Variants in WAPL observed in about 807,000 individuals in gnomAD.
The protein encoded by WAPL is wings apart-like protein homolog.
Under a neutral mutation model 121.0 loss-of-function variants are expected in WAPL, and 5 were observed. The observed-to-expected ratio is 0.04, with a 90% confidence interval of 0.02 to 0.09. The LOEUF (loss-of-function observed/expected upper bound fraction) is 0.09. Ranked by LOEUF, WAPL falls within the 10% of genes least tolerant of loss-of-function variation. The pLI, the probability that WAPL is intolerant of heterozygous loss-of-function variation, is 1.00. For synonymous variants in WAPL, 480 were observed against 481.5 expected (o/e 1.00, Z 0.04); for missense variants, 999 against 1,410.8 (o/e 0.71, Z 4.68).
intron 4 of WAPL, among the ~76,000 whole-genome samples, chr10:86,486,721 C>A (rs544191229): frequency 1.3e-5 from 2 of 152,076 alleles, no homozygotes; most frequent in South Asian, 4.1e-4. Flanking sequence ...TTTGGGAGGC[C>A]GAGACCGGCA....
Position 86,453,264 on chromosome 10 carries a change from G to T in WAPL, c.2905C>A (p.Pro969Thr). 1 of 1,614,060 alleles carries T rather than the reference G, an allele frequency of 6.2e-7. No individual in the cohort carries two copies. The highest frequency in any genetic ancestry group is 8.5e-7 in the Non-Finnish European group (1 of 1,180,026). Residue 969 changes from proline (P) to threonine (T), a missense_variant, in exon 14 of 19, where the codon CCA becomes ACA. Around this residue, in one of 7 missense-constraint regions of WAPL, gnomAD observed 85 missense variants for 133.5 expected, o/e 0.64. Transcript: ENST00000298767. ...GTALNCVLQV[P>T]KYLPQEQRFD... ...CTCTGCTCCTGAGGTAGGTACTTTG[G>T]AACCTGAAGCACACAGTTCAGCGCT...
chr10:86,501,813 T>C (rs1842252395), intron 2 of WAPL, among the ~76,000 whole-genome samples: 1 of 152,066 alleles, frequency 6.6e-6, no homozygotes, highest in Non-Finnish European at 1.5e-5. Context: ...TGAGCAGCAC[T>C]CCCAAACAGC....
At chr10:86,486,531 A>G (rs1841933325) in intron 4 of WAPL, among the ~76,000 whole-genome samples, 1 of 152,264 alleles carries the variant, frequency 6.6e-6, no homozygotes, top group African/African-American at 2.4e-5. Flanking sequence ...TTAATTGCCC[A>G]GAAGCCCCCT....
At chr10:86,460,048 G>A (rs1260996550) in intron 11 of WAPL, among the ~76,000 whole-genome samples, 2 of 152,196 alleles carry the variant, frequency 1.3e-5, no homozygotes, top group Non-Finnish European at 2.9e-5. Flanking sequence ...GGGAAGCAGA[G>A]GTTGCAGTGA....
intron 2 of WAPL, among the ~76,000 whole-genome samples, chr10:86,513,845 G>A (rs1842510556): frequency 6.6e-6 from 1 of 152,158 alleles, no homozygotes; most frequent in South Asian, 2.1e-4. Flanking sequence ...CCACTGGAAA[G>A]ATATGACGGA....
intron 17 of WAPL, among the ~76,000 whole-genome samples, chr10:86,439,799 G>A (rs576020496): frequency 6.6e-6 from 1 of 152,324 alleles, no homozygotes; most frequent in Non-Finnish European, 1.5e-5. Context: ...GAATGGAGGG[G>A]CAACAAAGCA....
At chr10:86,469,813 T>A (rs1483442162) in intron 8 of WAPL, among the ~76,000 whole-genome samples, 24 of 152,182 alleles carry the variant, frequency 1.6e-4, no homozygotes, top group Admixed American at 1.6e-3. Context: ...GTAAAGGCCA[T>A]GGGGGATCCA....
At chr10:86,461,958 G>A (rs1841286385) in intron 9 of WAPL, among the ~76,000 whole-genome samples, 1 of 151,850 alleles carries the variant, frequency 6.6e-6, no homozygotes, top group Non-Finnish European at 1.5e-5. Flanking sequence ...GTTTTTAAAG[G>A]GCATACTGCG....
intron 2 of WAPL, among the ~76,000 whole-genome samples, chr10:86,511,075 A>T (rs1391681508): frequency 6.6e-6 from 1 of 151,432 alleles, no homozygotes; most frequent in Non-Finnish European, 1.5e-5. Flanking sequence ...CCATCCTCCC[A>T]CTTTGGCCTA....
chr10:86,454,431 G>A (rs536213979), intron 12 of WAPL, among the ~76,000 whole-genome samples: 5 of 152,056 alleles, frequency 3.3e-5, no homozygotes, highest in Middle Eastern at 3.2e-3. Flanking sequence ...ATGCCAAGCC[G>A]AGGCTGGACT....
At position 86,521,606 on chromosome 10, in the gene WAPL, G is replaced by C. The variant is rs2132240379; in HGVS notation, c.-264C>G. On this transcript the variant is annotated 5_prime_UTR_variant, in exon 1 of 19. Transcript: ENST00000298767. The stretch of plus-strand genomic sequence containing the variant: ...CCGGGCCCAGGCCTAGCTCTCGCTG[G>C]CCGCCACTGCTGGAGCTGGTAACAG... 1.5e-5 allele frequency: 7 copies of C among 454,172 alleles called. No homozygotes were observed. Among genetic ancestry groups the C allele is most frequent in the South Asian group, 1.1e-4 (7 of 62,460 alleles). 28.1% of individuals were successfully genotyped at this position (454,172 alleles called of 1,614,324 possible). A position where few individuals can be genotyped will look rare whatever the true frequency, so the allele number is the denominator to read the frequency against.
rs1418844763 is a variant in WAPL, at chr10:86,435,380, GAAATACTGTATAA to G, written c.*2150_*2162del. 1.3e-5 allele frequency: 2 copies of G among 152,546 alleles called. No individual in the cohort carries two copies. Among genetic ancestry groups the G allele is most frequent in the African/African-American group, 4.8e-5 (2 of 41,432 alleles). The allele number at this position is 152,546 out of a possible 1,614,324, so 9.4% of individuals were successfully genotyped here. On this transcript the variant is annotated 3_prime_UTR_variant, in exon 19 of 19. Transcript: ENST00000298767. ...CTTTTGCTCCAAAGATCACAGCTGA[GAAATACTGTATAA>G]AATAAAAATAGGATTGGATTCAGAA...
intron 4 of WAPL, among the ~76,000 whole-genome samples, chr10:86,484,015 A>G (rs1841869465): frequency 6.6e-6 from 1 of 151,670 alleles, no homozygotes; most frequent in Non-Finnish European, 1.5e-5. Flanking sequence ...CACCGCACCC[A>G]GGCAACAAAA....
Position 86,517,632 on chromosome 10 carries a change from G to C in WAPL, c.438C>G (p.Ser146Arg), listed in dbSNP as rs1217691294. 1 of 1,613,950 alleles carries C rather than the reference G, an allele frequency of 6.2e-7. No individual in the cohort carries two copies. Reference sequence around the variant, plus strand: ...CATCATCTTCTACAATTCGGTTTGTGCTCTTTTCTTTCCCAAGTAAAGTGT... The same window carrying C: ...CATCATCTTCTACAATTCGGTTTGTCCTCTTTTCTTTCCCAAGTAAAGTGT... ...LEDTLLGKEK[S>R]TNRIVEDDAS... The change falls in exon 2 of 19, where the codon AGC (serine) becomes AGG (arginine). Residue 146 changes from serine to arginine, a missense_variant. Physicochemically the swap from Ser to Arg is moderately radical, Grantham distance 110. Coordinates refer to ENST00000298767, the MANE Select transcript of WAPL (RefSeq NM_015045.5).
chr10:86,518,654 T>C (rs747666524), intron 1 of WAPL, among the ~76,000 whole-genome samples: 42 of 152,210 alleles, frequency 2.8e-4, no homozygotes, highest in Non-Finnish European at 5.4e-4. Flanking sequence ...GTTGCAGTGA[T>C]ATAATGATAA....
Position 86,483,234 on chromosome 10 carries a change from A to T in WAPL, c.1645-9261T>A, listed in dbSNP as rs140594626. On this transcript the variant is annotated intron_variant, in intron 4 of 18. Transcript: ENST00000298767. ...TCGGGAGTTTGAGACCAGCCTGACC[A>T]ACATGGAAAAACCCTGCCTCTATGA... 3.1e-3 allele frequency among the ~76,000 whole-genome samples: 473 copies of T among 152,262 alleles called. 2 individuals carry two copies. The highest frequency in any genetic ancestry group is 0.011 in the African/African-American group (451 of 41,542).
chr10:86,468,587 AT>A (rs1013812793), intron 8 of WAPL, among the ~76,000 whole-genome samples: 11 of 152,060 alleles, frequency 7.2e-5, no homozygotes, highest in Non-Finnish European at 1.0e-4. Context: ...CCCTTAACAC[AT>A]TTTTTCCCCT....
chr10:86,517,444 T>C (rs778634346), intron 2 of WAPL, 127 bp downstream of exon 2: 1 of 1,321,808 alleles, frequency 7.6e-7, no homozygotes, highest in East Asian at 2.6e-5. Context: ...TTTACAAAAC[T>C]ATCAATGGTC....
At chr10:86,510,068 CTTTTTT>C (rs11323475) in intron 2 of WAPL, among the ~76,000 whole-genome samples, 49 of 57,240 alleles carry the variant, frequency 8.6e-4, no homozygotes, top group African/African-American at 3.9e-3. Context: ...TCCACCCGGC[CTTTTTT>C]TTTTTTTTTT....
Sources: allele counts gnomAD v4.1 joint callset (sites outside exome capture counted in the v4.1 genomes callset), GRCh38; gene constraint gnomAD v4.1.1; regional missense constraint gnomAD v4.1.1; transcripts MANE v1.5; gene names NCBI Gene and HGNC (gene_info 2026-07-23, HGNC 2026-07-21).